The following SDK2 variants were observed in gnomAD, a reference collection of about 807,000 sequenced individuals.
SDK2 encodes protein sidekick-2.
A neutral mutation model predicts 253.9 loss-of-function variants in SDK2; 105 were observed. That is an observed-to-expected ratio of 0.41 (90% confidence interval 0.35 to 0.49). The LOEUF is 0.49. Among genes scored for constraint, SDK2 ranks in the 20% least tolerant of loss-of-function variants. The probability of loss-of-function intolerance (pLI) is 0.06; values close to 1 mark genes in which losing one functional copy is unlikely to be tolerated. For missense variants in SDK2, 2,608 were observed against 3,003.0 expected (o/e 0.87, Z 3.07); for synonymous variants, 1,249 against 1,234.9 (o/e 1.01, Z -0.24).
At chr17:73,579,234 C>G (rs78869857) in intron 1 of SDK2, among the ~76,000 whole-genome samples, 2 of 152,156 alleles carry the variant, frequency 1.3e-5, no homozygotes. Flanking sequence ...TTCTCATCAC[C>G]GCAGTCACAG....
At position 73,420,632 on chromosome 17, in the gene SDK2, G is replaced by A. The variant is rs965317264; in HGVS notation, c.2046-1326C>T. On this transcript the variant is annotated intron_variant, in intron 15 of 44. Coordinates refer to ENST00000392650, the MANE Select transcript of SDK2 (RefSeq NM_001144952.2). ...AGGCATGAGCCACTGCACCTGGCCCGCTCCTGTGTTTTTGTAGAGGCTGGG... is the reference window on the plus strand; with the variant it reads ...AGGCATGAGCCACTGCACCTGGCCCACTCCTGTGTTTTTGTAGAGGCTGGG... Among the ~76,000 whole-genome samples, 11 of 150,174 alleles carry A rather than the reference G, an allele frequency of 7.3e-5. No individual in the cohort carries two copies. The South Asian group carries it at 1.9e-3, about 26-fold the overall frequency.
rs563339800 is a variant in SDK2 at position 73,383,815 on chromosome 17, G to C, written c.4705+61C>G. On this transcript the variant is annotated intron_variant, in intron 33 of 44. Transcript: ENST00000392650. This position sits in a 1 kb window ranked among gnomAD's most constrained non-coding sequence, Gnocchi z 4.3. ...TCCAGGAAGCTGAGAGCTCCAGAGC[G>C]GGAAGGTGAGGGTGACCGCCCCCAT... 16 of 1,599,186 alleles carry C rather than the reference G, an allele frequency of 1.0e-5. No individual in the cohort carries two copies. The highest frequency in any genetic ancestry group is 5.0e-5 in the Admixed American group (3 of 59,536).
chr17:73,506,648 GC>G (rs2063937911), intron 2 of SDK2, among the ~76,000 whole-genome samples: 1 of 152,192 alleles, frequency 6.6e-6, no homozygotes, highest in Non-Finnish European at 1.5e-5. Context: ...TGCACATCAG[GC>G]CCTGGGATTA....
rs775411368 is a variant in SDK2 at position 73,336,903 on chromosome 17, G to A, written c.*1684C>T. On this transcript the variant is annotated 3_prime_UTR_variant, in exon 45 of 45. Coordinates refer to ENST00000392650, the MANE Select transcript of SDK2 (RefSeq NM_001144952.2). Reference sequence around the variant, plus strand: ...GGGCTGGCCTTACAGGGCTGGCTGAGGGCACAGAGGGCCTTGGACAATGTA... The same window carrying A: ...GGGCTGGCCTTACAGGGCTGGCTGAAGGCACAGAGGGCCTTGGACAATGTA... 1 of 140,632 alleles carries A rather than the reference G, an allele frequency of 7.1e-6. No homozygotes were observed. The highest frequency in any genetic ancestry group is 1.6e-5 in the Non-Finnish European group (1 of 64,388). The allele number at this position is 140,632 out of a possible 1,614,324, so 8.7% of individuals were successfully genotyped here.
rs747099510 is a variant in SDK2, at chr17:73,338,657, A to G, written c.6449T>C (p.Leu2150Pro). The G allele has an allele frequency of 6.4e-7, 1 of 1,563,072 alleles. No homozygotes were observed. Among genetic ancestry groups the G allele is most frequent in the Admixed American group, 2.0e-5 (1 of 51,080 alleles). Reference protein sequence around the residue: ...PPNPPSQQSTLYRPPSSLAPG... With the variant: ...PPNPPSQQSTPYRPPSSLAPG... ...GGCCAGGCTGCTGGGGGGACGGTAGAGGGTGCTCTGCTGACTTGGGGGGTT... is the reference window on the plus strand; with the variant it reads ...GGCCAGGCTGCTGGGGGGACGGTAGGGGGTGCTCTGCTGACTTGGGGGGTT... The change falls in exon 45 of 45, where the codon CTC (leucine) becomes CCC (proline). Residue 2150 changes from leucine (L) to proline (P), a missense_variant. Transcript: ENST00000392650. This position sits in a 1 kb window ranked among gnomAD's most constrained non-coding sequence, Gnocchi z 5.0.
chr17:73,388,375 C>T (rs149756435), intron 29 of SDK2, among the ~76,000 whole-genome samples: 102 of 152,296 alleles, frequency 6.7e-4, no homozygotes, highest in African/African-American at 2.1e-3. Context: ...CCGGGCCCTG[C>T]GCTGTCCCTG....
intron 1 of SDK2, among the ~76,000 whole-genome samples, chr17:73,589,679 T>A (rs2045655126): frequency 6.6e-6 from 1 of 152,212 alleles, no homozygotes. Context: ...CCAAGGATAA[T>A]GCTGATCTGG....
intron 39 of SDK2, 141 bp from the exon 40 acceptor site, chr17:73,358,345 G>A (rs1018389441): frequency 1.8e-5 from 19 of 1,073,252 alleles, no homozygotes; most frequent in Non-Finnish European, 2.4e-5. Context: ...AAATGTCGCG[G>A]CCTGAGAGTA....
At chr17:73,509,479 T>C (rs1027462236) in intron 1 of SDK2, among the ~76,000 whole-genome samples, 1 of 152,128 alleles carries the variant, frequency 6.6e-6, no homozygotes. Context: ...CAGACAGCCT[T>C]CTTTTGGCTT....
intron 24 of SDK2, 84 bp downstream of exon 24, chr17:73,397,951 T>C (rs1713440146): frequency 6.9e-7 from 1 of 1,445,344 alleles, no homozygotes; most frequent in Admixed American, 1.9e-5. Context: ...AAAGGAGCTG[T>C]AGGAATTCTG....
At chr17:73,538,931 C>T (rs1599660611) in intron 1 of SDK2, among the ~76,000 whole-genome samples, 1 of 152,342 alleles carries the variant, frequency 6.6e-6, no homozygotes, top group South Asian at 2.1e-4. Flanking sequence ...CATTGCTGCT[C>T]TAACCTTCAG....
chr17:73,457,993 T>C (rs1202455534), intron 3 of SDK2, among the ~76,000 whole-genome samples: 5 of 152,158 alleles, frequency 3.3e-5, no homozygotes, highest in Non-Finnish European at 7.3e-5. Flanking sequence ...TTATTATTAT[T>C]TTAGAGACAG....
Position 73,380,957 on chromosome 17 carries a change from G to T in SDK2, c.4706-7C>A. 2 of 1,547,882 alleles carry T rather than the reference G, an allele frequency of 1.3e-6. No individual in the cohort carries two copies. The highest frequency in any genetic ancestry group is 1.8e-6 in the Non-Finnish European group (2 of 1,141,590). ...TTCCGCATGGAGTACATGGCTATGG[G>T]GTGGGGGTGCCGGGGCGGGGGCGCA... is the stretch of plus-strand genomic sequence containing the variant. On this transcript the variant is annotated splice_region_variant and splice_polypyrimidine_tract_variant and intron_variant, in intron 33 of 44. Coordinates refer to ENST00000392650, the MANE Select transcript of SDK2 (RefSeq NM_001144952.2).
intron 1 of SDK2, among the ~76,000 whole-genome samples, chr17:73,569,756 G>C (rs1419732541): frequency 6.6e-6 from 1 of 151,908 alleles, no homozygotes; most frequent in African/African-American, 2.4e-5. Context: ...AGAAAACTGG[G>C]TCAATCCCAC....
rs2046426077 is a variant in SDK2, at chr17:73,643,651, G to A, written c.64+374C>T. Among the ~76,000 whole-genome samples the A allele has an allele frequency of 6.6e-6, 1 of 152,116 alleles. No homozygotes were observed. The highest frequency in any genetic ancestry group is 1.5e-5 in the Non-Finnish European group (1 of 67,990). ...CACCGAGCAGGGAACCAGGAGCTCG[G>A]TCTGGGAAGCTCAGCGTAGCCGAGC... On this transcript the variant is annotated intron_variant, in intron 1 of 44. Coordinates refer to ENST00000392650, the MANE Select transcript of SDK2 (RefSeq NM_001144952.2). The surrounding 1 kb of genome is among the most constrained non-coding windows in gnomAD (Gnocchi z 6.9).
At position 73,455,308 on chromosome 17, in the gene SDK2, G is replaced by A. The variant is rs1368777970; in HGVS notation, c.479+598C>T. 6.6e-6 allele frequency among the ~76,000 whole-genome samples: 1 copy of A among 152,164 alleles called. No homozygotes were observed. Among genetic ancestry groups the A allele is most frequent in the Non-Finnish European group, 1.5e-5 (1 of 68,028 alleles). On this transcript the variant is annotated intron_variant, in intron 4 of 44. Coordinates refer to ENST00000392650, the MANE Select transcript of SDK2 (RefSeq NM_001144952.2). The surrounding 1 kb of genome is among the most constrained non-coding windows in gnomAD (Gnocchi z 5.0). The stretch of plus-strand genomic sequence containing the variant: ...TGTTGCTCGCCTTCTGCGGAGGTGT[G>A]GGGTGTTGGCTCCATCCTCCTGCCC...
chr17:73,415,597 A>G (rs1047197679), intron 17 of SDK2, among the ~76,000 whole-genome samples: 1 of 151,964 alleles, frequency 6.6e-6, no homozygotes, highest in Non-Finnish European at 1.5e-5. Flanking sequence ...TCCACCTGCC[A>G]TAGCCTCCTG....
intron 3 of SDK2, among the ~76,000 whole-genome samples, chr17:73,461,399 T>C (rs192989792): frequency 3.9e-5 from 6 of 152,266 alleles, no homozygotes; most frequent in Admixed American, 3.9e-4. Flanking sequence ...ATGACAACTG[T>C]CGAAAAGGAG....
At position 73,470,012 on chromosome 17, in the gene SDK2, A is replaced by G. The variant is rs919770929; in HGVS notation, c.331+2100T>C. 5.3e-4 allele frequency among the ~76,000 whole-genome samples: 81 copies of G among 151,720 alleles called. No individual in the cohort carries two copies. The South Asian group carries it at 6.5e-3, about 12-fold the overall frequency. ...CGCGCGCACACACACACACACACAC[A>G]CACACACACACACACACACACAGAG... On this transcript the variant is annotated intron_variant, in intron 3 of 44. Transcript: ENST00000392650.
Sources: allele counts gnomAD v4.1 joint callset (sites outside exome capture counted in the v4.1 genomes callset), GRCh38; gene constraint gnomAD v4.1.1; non-coding constraint Gnocchi (gnomAD v3.1); transcripts MANE v1.5; gene names NCBI Gene and HGNC (gene_info 2026-07-23, HGNC 2026-07-21).